The following EPHB1 variants were observed in gnomAD, a reference collection of about 807,000 sequenced individuals.
EPHB1 encodes ephrin type-B receptor 1.
EPHB1 carries 30 observed loss-of-function variants against 94.4 expected under a neutral mutation model. The ratio of observed to expected loss-of-function variants is 0.32; its 90% CI spans 0.24 to 0.43. The LOEUF is 0.43. Among genes scored for constraint, EPHB1 ranks in the 20% least tolerant of loss-of-function variants. The pLI, the probability that EPHB1 is intolerant of heterozygous loss-of-function variation, is 1.00. For synonymous variants in EPHB1, 522 were observed against 489.1 expected (o/e 1.07, Z -0.89); for missense variants, 1,055 against 1,308.3 (o/e 0.81, Z 2.99).
chr3:134,901,953 T>C (rs1260049037), intron 1 of EPHB1, among the ~76,000 whole-genome samples: 1 of 152,200 alleles, frequency 6.6e-6, no homozygotes, highest in Non-Finnish European at 1.5e-5. Flanking sequence ...AAAGGAGCAA[T>C]ACTTGTTATT....
chr3:134,916,763 C>A (rs1294414148), intron 1 of EPHB1, among the ~76,000 whole-genome samples: 2 of 61,068 alleles, frequency 3.3e-5, no homozygotes, highest in East Asian at 8.4e-4. Flanking sequence ...CCCGGCAAGC[C>A]AAGGGATCCG....
intron 2 of EPHB1, among the ~76,000 whole-genome samples, chr3:134,949,823 T>C (rs1297133747): frequency 2.6e-5 from 4 of 152,168 alleles, no homozygotes; most frequent in Admixed American, 6.5e-5. Flanking sequence ...AGCTCCCAGC[T>C]GTGGGCAGCT....
At chr3:134,854,294 T>C (rs1231698075) in intron 1 of EPHB1, among the ~76,000 whole-genome samples, 1 of 152,112 alleles carries the variant, frequency 6.6e-6, no homozygotes, top group Non-Finnish European at 1.5e-5. Context: ...TGCTTGATGA[T>C]TTAGGGGCTG....
At chr3:135,121,872 G>A (rs921653142) in intron 4 of EPHB1, among the ~76,000 whole-genome samples, 3 of 151,964 alleles carry the variant, frequency 2.0e-5, no homozygotes, top group East Asian at 3.9e-4. Flanking sequence ...GTGAATAGAT[G>A]GAAAGGGACT....
chr3:135,216,533 G>A (rs1943151300), intron 12 of EPHB1, among the ~76,000 whole-genome samples: 1 of 151,748 alleles, frequency 6.6e-6, no homozygotes, highest in South Asian at 2.1e-4. Flanking sequence ...GACCAGCCTG[G>A]CCAACATGAT....
chr3:135,255,440 G>T (rs1323854112), intron 15 of EPHB1, among the ~76,000 whole-genome samples: 1 of 137,366 alleles, frequency 7.3e-6, no homozygotes, highest in Non-Finnish European at 1.6e-5. Flanking sequence ...TGGTTTCAAA[G>T]AACATCTTTA....
intron 5 of EPHB1, among the ~76,000 whole-genome samples, chr3:135,153,673 T>C (rs1941263913): frequency 6.6e-6 from 1 of 152,336 alleles, no homozygotes; most frequent in South Asian, 2.1e-4. Flanking sequence ...GCTAGAATGC[T>C]CCTTTCTGTT....
chr3:134,807,104 T>C (rs2108284530), intron 1 of EPHB1, among the ~76,000 whole-genome samples: 1 of 152,284 alleles, frequency 6.6e-6, no homozygotes, highest in South Asian at 2.1e-4. Context: ...GCCCCATCTC[T>C]GGGGTGTCCA....
At chr3:134,924,006 AC>A (rs2038740721) in intron 1 of EPHB1, among the ~76,000 whole-genome samples, 1 of 152,146 alleles carries the variant, frequency 6.6e-6, no homozygotes, top group Non-Finnish European at 1.5e-5. Flanking sequence ...AATGCAGGGG[AC>A]TAGGACACCA....
intron 2 of EPHB1, among the ~76,000 whole-genome samples, chr3:134,939,040 C>T (rs1321410652): frequency 1.3e-5 from 2 of 152,140 alleles, no homozygotes; most frequent in Non-Finnish European, 1.5e-5. Context: ...ATATACTCTG[C>T]TTGAAGCCAC....
rs766084445 is a variant in EPHB1, at chr3:135,192,738, G to A, written c.2045G>A (p.Arg682His). Residue 682 changes from arginine to histidine, a missense_variant, in exon 11 of 16, where the codon CGC becomes CAC. Coordinates refer to ENST00000398015, the MANE Select transcript of EPHB1 (RefSeq NM_004441.5). ...CAGTTCGACCATCCTAACATCATTC[G>A]CCTGGAGGGTGTGGTCACCAAGAGT... ...MGQFDHPNII[R>H]LEGVVTKSRP... 11 of 1,614,042 alleles carry A rather than the reference G, an allele frequency of 6.8e-6. No individual in the cohort carries two copies. Among genetic ancestry groups the A allele is most frequent in the African/African-American group, 1.3e-5 (1 of 74,910 alleles).
intron 3 of EPHB1, among the ~76,000 whole-genome samples, chr3:135,049,819 T>G (rs1266718444): frequency 6.6e-6 from 1 of 152,234 alleles, no homozygotes; most frequent in East Asian, 1.9e-4. Context: ...CCAGGCCTCC[T>G]GTCCATGAGG....
At chr3:134,888,721 A>G (rs2037907287) in intron 1 of EPHB1, among the ~76,000 whole-genome samples, 1 of 151,804 alleles carries the variant, frequency 6.6e-6, no homozygotes, top group Non-Finnish European at 1.5e-5. Context: ...AAAAAAAAAA[A>G]AAGAAAGATA....
intron 13 of EPHB1, among the ~76,000 whole-genome samples, chr3:135,245,513 C>CAAAAAAAAAAAAAAAAAA (rs57521935): frequency 1.6e-5 from 2 of 124,046 alleles, no homozygotes; most frequent in Admixed American, 7.9e-5. Context: ...GAACAGTCTT[C>CAAAAAAAAAAAAAAAAAA]AAAAAAAAAA....
chr3:135,029,044 C>T (rs1488048922), intron 3 of EPHB1, among the ~76,000 whole-genome samples: 1 of 136,608 alleles, frequency 7.3e-6, no homozygotes. Flanking sequence ...ACTAGGATTG[C>T]AACCCCTGCC....
chr3:135,007,839 C>T (rs1559792843), intron 3 of EPHB1, among the ~76,000 whole-genome samples: 1 of 152,172 alleles, frequency 6.6e-6, no homozygotes, highest in Non-Finnish European at 1.5e-5. Flanking sequence ...AATACTTTTC[C>T]TCTACTTCAT....
chr3:134,962,171 G>C (rs565128079), intron 3 of EPHB1, among the ~76,000 whole-genome samples: 2 of 152,054 alleles, frequency 1.3e-5, no homozygotes, highest in African/African-American at 4.8e-5. Context: ...TATCTTTGCC[G>C]ATCTGAGAGG....
chr3:135,251,365 C>G (rs1933088443), intron 15 of EPHB1, among the ~76,000 whole-genome samples: 1 of 152,130 alleles, frequency 6.6e-6, no homozygotes, highest in South Asian at 2.1e-4. Flanking sequence ...TGAAGACTGG[C>G]TACTCCCATT....
intron 3 of EPHB1, among the ~76,000 whole-genome samples, chr3:135,100,958 G>A (rs1939013942): frequency 6.6e-6 from 1 of 152,132 alleles, no homozygotes; most frequent in Non-Finnish European, 1.5e-5. Context: ...GGTGAGGTCG[G>A]GGAGAGGGGT....
Sources: gnomAD v4.1 joint callset for allele counts (sites outside exome capture counted in the v4.1 genomes callset) on GRCh38, gnomAD v4.1.1 for gene constraint, MANE v1.5 for transcripts, NCBI Gene and HGNC (gene_info 2026-07-23, HGNC 2026-07-21) for gene names.